Variants in CTIF observed in about 807,000 individuals in gnomAD.
CTIF encodes the protein cap binding complex dependent translation initiation factor.
Under a neutral mutation model 66.0 loss-of-function variants are expected in CTIF, and 21 were observed. The ratio of observed to expected loss-of-function variants is 0.32; its 90% CI spans 0.23 to 0.46. CTIF has a LOEUF of 0.46. Among genes scored for constraint, CTIF ranks in the 20% least tolerant of loss-of-function variants. The pLI, the probability that CTIF is intolerant of heterozygous loss-of-function variation, is 1.00. For synonymous variants in CTIF, 345 were observed against 326.4 expected, an observed-to-expected ratio of 1.06 and a Z score of -0.62; for missense variants, 739 against 812.7, an observed-to-expected ratio of 0.91 and a Z score of 1.10.
At chr18:48,570,493 G>A (rs940489663) in intron 1 of CTIF, among the ~76,000 whole-genome samples, 1 of 152,208 alleles carries the variant, frequency 6.6e-6, no homozygotes, top group African/African-American at 2.4e-5. Context: ...CTGCCCTGGC[G>A]TGACGCACAG....
chr18:48,851,422 C>A (rs2069197714), intron 10 of CTIF, among the ~76,000 whole-genome samples: 1 of 152,216 alleles, frequency 6.6e-6, no homozygotes, highest in Non-Finnish European at 1.5e-5. Context: ...TCACTGTCAA[C>A]ACCCCTGGGA....
At position 48,619,719 on chromosome 18, in the gene CTIF, G is replaced by T; in HGVS notation, c.154G>T (p.Glu52Ter). The part of the protein sequence containing the change: ...ADKTEGDGES[E>*]RTQSHISQWT... ...CAAGACGGAGGGTGATGGCGAGAGC[G>T]AGAGGACCCAGTCCCACATCTCCCA... The change falls in exon 2 of 12, where the codon GAG (glutamate) becomes TAG (stop). Residue 52 changes from glutamate (E) to a stop codon, truncating the protein, a stop_gained. Transcript: ENST00000256413. LOFTEE classifies it high-confidence loss of function. 1 of 1,603,416 alleles carries T rather than the reference G, an allele frequency of 6.2e-7. No individual in the cohort carries two copies. The highest frequency in any genetic ancestry group is 1.1e-5 in the South Asian group (1 of 88,674).
chr18:48,783,622 G>T (rs1261221055), intron 9 of CTIF, among the ~76,000 whole-genome samples: 2 of 152,142 alleles, frequency 1.3e-5, no homozygotes, highest in Non-Finnish European at 2.9e-5. Flanking sequence ...GCCTCACCCT[G>T]ACAGTAACTT....
At chr18:48,615,647 G>C (rs1035273757) in intron 1 of CTIF, among the ~76,000 whole-genome samples, 8 of 152,226 alleles carry the variant, frequency 5.3e-5, no homozygotes, top group Non-Finnish European at 1.0e-4. Flanking sequence ...ACACTGAAAA[G>C]GGGAGTATTT....
intron 10 of CTIF, among the ~76,000 whole-genome samples, chr18:48,855,094 G>C (rs1346036655): frequency 2.6e-5 from 4 of 152,242 alleles, no homozygotes; most frequent in Admixed American, 2.6e-4. Flanking sequence ...CCTGGCGCAG[G>C]CGCTCGGCAG....
At chr18:48,547,949 A>G (rs1417732632) in intron 1 of CTIF, among the ~76,000 whole-genome samples, 3 of 152,148 alleles carry the variant, frequency 2.0e-5, no homozygotes, top group Admixed American at 2.0e-4. Context: ...TTCAGCTTAT[A>G]AGTAAGTAAC....
intron 1 of CTIF, among the ~76,000 whole-genome samples, chr18:48,613,689 T>G (rs1173139828): frequency 6.6e-6 from 1 of 152,164 alleles, no homozygotes; most frequent in Non-Finnish European, 1.5e-5. Context: ...TTAACAGAGA[T>G]GCAGACCCAG....
intron 2 of CTIF, among the ~76,000 whole-genome samples, chr18:48,629,624 T>C (rs1442506710): frequency 1.4e-5 from 2 of 143,304 alleles, no homozygotes; most frequent in African/African-American, 5.4e-5. Flanking sequence ...TTCCCAGTAA[T>C]ATTGTTTAGA....
intron 7 of CTIF, among the ~76,000 whole-genome samples, chr18:48,724,878 G>A (rs1051119562): frequency 3.9e-5 from 6 of 152,304 alleles, no homozygotes; most frequent in East Asian, 1.9e-4. Context: ...ATTGACACCC[G>A]CCTGCAGGAA....
chr18:48,772,422 C>T (rs951592925), intron 9 of CTIF, among the ~76,000 whole-genome samples: 2 of 144,540 alleles, frequency 1.4e-5, no homozygotes, highest in South Asian at 4.2e-4. Flanking sequence ...CATCCCCCGG[C>T]ACCCCACCAA....
chr18:48,778,508 G>T (rs1910901137), intron 9 of CTIF, among the ~76,000 whole-genome samples: 1 of 152,208 alleles, frequency 6.6e-6, no homozygotes, highest in African/African-American at 2.4e-5. Context: ...TCCGGGGTTT[G>T]TACCAGGGGA....
chr18:48,817,704 A>G (rs1198761776), intron 10 of CTIF, among the ~76,000 whole-genome samples: 1 of 150,958 alleles, frequency 6.6e-6, no homozygotes, highest in Non-Finnish European at 1.5e-5. Context: ...TGAACCTGGG[A>G]GGTGGAGACT....
chr18:48,725,158 C>T (rs934083183), intron 7 of CTIF, among the ~76,000 whole-genome samples: 4 of 152,196 alleles, frequency 2.6e-5, no homozygotes, highest in African/African-American at 9.7e-5. Flanking sequence ...GCAGATGGCT[C>T]GGCCTGGTCA....
Position 48,615,419 on chromosome 18 carries a change from T to C in CTIF, c.-28-4119T>C, listed in dbSNP as rs536009094. 2.0e-5 allele frequency among the ~76,000 whole-genome samples: 3 copies of C among 152,180 alleles called. No homozygotes were observed. The South Asian group carries it at 6.2e-4, about 31-fold the overall frequency. On this transcript the variant is annotated intron_variant, in intron 1 of 11. Coordinates refer to ENST00000256413, the MANE Select transcript of CTIF (RefSeq NM_014772.3). ...GAAGCTGGGGCCTCCCCACTCCCTCTCTGGGCCCCGCTGCGGAACAGGGAA... is the reference window on the plus strand; with the variant it reads ...GAAGCTGGGGCCTCCCCACTCCCTCCCTGGGCCCCGCTGCGGAACAGGGAA...
Position 48,817,259 on chromosome 18 carries a change from C to G in CTIF, c.1410C>G (p.Asp470Glu), listed in dbSNP as rs760142164. 1.2e-6 allele frequency: 2 copies of G among 1,613,982 alleles called. No individual in the cohort carries two copies. The highest frequency in any genetic ancestry group is 1.7e-6 in the Non-Finnish European group (2 of 1,179,940). Reference sequence around the variant, plus strand: ...TGCGCGAGGAGCTGCAGCAGCAGGACGTGGAGCGCTGGCTGGGCTTCATCA... The same window carrying G: ...TGCGCGAGGAGCTGCAGCAGCAGGAGGTGGAGCGCTGGCTGGGCTTCATCA... ...FTVREELQQQ[D>E]VERWLGFITF... The change falls in exon 10 of 12, where the codon GAC (aspartate) becomes GAG (glutamate). Residue 470 changes from aspartate (D) to glutamate (E), a missense_variant. By Grantham distance (45) the Asp-to-Glu change is conservative. Around this residue, in one of 2 missense-constraint regions of CTIF, gnomAD observed 210 missense variants for 292.3 expected, o/e 0.72. Coordinates refer to ENST00000256413, the MANE Select transcript of CTIF (RefSeq NM_014772.3).
intron 6 of CTIF, among the ~76,000 whole-genome samples, chr18:48,671,845 A>G (rs1462479949): frequency 6.8e-6 from 1 of 148,000 alleles, no homozygotes; most frequent in Non-Finnish European, 1.5e-5. Flanking sequence ...TTCATTTTGG[A>G]TAGCTTTTAT....
At chr18:48,780,514 G>C (rs1911101087) in intron 9 of CTIF, among the ~76,000 whole-genome samples, 1 of 152,196 alleles carries the variant, frequency 6.6e-6, no homozygotes, top group African/African-American at 2.4e-5. Context: ...GTGGGAGGGT[G>C]AGGGACACTT....
chr18:48,815,273 T>C (rs1157610389), intron 9 of CTIF, among the ~76,000 whole-genome samples: 8 of 151,830 alleles, frequency 5.3e-5, no homozygotes. Flanking sequence ...GGAGAAAAAA[T>C]GTTTGGTCTC....
At chr18:48,736,353 G>C (rs2092502913) in intron 7 of CTIF, among the ~76,000 whole-genome samples, 1 of 152,186 alleles carries the variant, frequency 6.6e-6, no homozygotes, top group African/African-American at 2.4e-5. Context: ...CCACTCAGCA[G>C]ATACCACCAT....
Sources: allele counts gnomAD v4.1 joint callset (sites outside exome capture counted in the v4.1 genomes callset), GRCh38; gene constraint gnomAD v4.1.1; regional missense constraint gnomAD v4.1.1; transcripts MANE v1.5; gene names NCBI Gene and HGNC (gene_info 2026-07-23, HGNC 2026-07-21).